ASB3: variants seen among roughly 807,000 people sequenced by gnomAD.
ASB3 encodes the protein ankyrin repeat and SOCS box containing 3.
A neutral mutation model predicts 54.5 loss-of-function variants in ASB3; 41 were observed. The ratio of observed to expected loss-of-function variants is 0.75; its 90% CI spans 0.59 to 0.98. The LOEUF is 0.98. ASB3 is among the 50% of genes least tolerant of loss of function. The pLI is 0.00. For synonymous variants in ASB3, 266 were observed against 221.2 expected, an observed-to-expected ratio of 1.20 and a Z score of -1.80; for missense variants, 733 against 620.0, an observed-to-expected ratio of 1.18 and a Z score of -1.94.
chr2:53,762,511 T>G (rs551103104), intron 2 of ASB3, among the ~76,000 whole-genome samples: 3 of 152,240 alleles, frequency 2.0e-5, no homozygotes, highest in Non-Finnish European at 4.4e-5. Context: ...AGTGCGTATT[T>G]TCTTATTTAA....
At chr2:53,745,265 A>G (rs1462631350) in intron 3 of ASB3, among the ~76,000 whole-genome samples, 2 of 152,132 alleles carry the variant, frequency 1.3e-5, no homozygotes, top group Non-Finnish European at 2.9e-5. Flanking sequence ...AAGGGTAGAG[A>G]AAAGAAATAA....
intron 9 of ASB3, among the ~76,000 whole-genome samples, chr2:53,676,329 T>C (rs1286139420): frequency 2.0e-5 from 3 of 152,240 alleles, no homozygotes; most frequent in African/African-American, 4.8e-5. Context: ...TTTCATGTTA[T>C]CTCCATTACC....
At chr2:53,720,010 C>T (rs1275032597) in intron 5 of ASB3, among the ~76,000 whole-genome samples, 1 of 152,142 alleles carries the variant, frequency 6.6e-6, no homozygotes, top group Non-Finnish European at 1.5e-5. Context: ...GAAAAAGTTA[C>T]GTACCTCCCT....
At chr2:53,712,821 T>G (rs955655795) in intron 7 of ASB3, among the ~76,000 whole-genome samples, 1 of 152,078 alleles carries the variant, frequency 6.6e-6, no homozygotes, top group African/African-American at 2.4e-5. Context: ...TAATAAGAAA[T>G]GTTCAGTTCT....
intron 3 of ASB3, among the ~76,000 whole-genome samples, chr2:53,744,405 TAAAA>T (rs748981278): frequency 6.7e-6 from 1 of 148,492 alleles, no homozygotes; most frequent in Admixed American, 6.7e-5. Flanking sequence ...ATAAAAAAAT[TAAAA>T]AAAATAAAAC....
chr2:53,776,752 G>A (rs563177783), intron 1 of ASB3, among the ~76,000 whole-genome samples: 3 of 152,130 alleles, frequency 2.0e-5, no homozygotes, highest in Non-Finnish European at 2.9e-5. Context: ...CCAGGAGTTC[G>A]AGGCTGCAGT....
intron 5 of ASB3, among the ~76,000 whole-genome samples, chr2:53,720,138 CAAAA>C (rs199786882): frequency 7.1e-6 from 1 of 141,080 alleles, no homozygotes. Context: ...ATCAGAAACT[CAAAA>C]AAAAAAAAAA....
intron 6 of ASB3, among the ~76,000 whole-genome samples, chr2:53,716,168 C>A (rs1670377011): frequency 6.6e-6 from 1 of 152,142 alleles, no homozygotes; most frequent in Non-Finnish European, 1.5e-5. Flanking sequence ...AGCACACACT[C>A]CAACAGGCAT....
At chr2:53,731,517 A>G (rs956201528) in intron 3 of ASB3, among the ~76,000 whole-genome samples, 2 of 152,240 alleles carry the variant, frequency 1.3e-5, no homozygotes, top group African/African-American at 4.8e-5. Flanking sequence ...AACATAACTA[A>G]GTTAATATTC....
In ASB3 at chr2:53,774,359, A is replaced by G; in HGVS notation, c.-13-8774T>C. 6.2e-7 allele frequency: 1 copy of G among 1,613,536 alleles called. No individual in the cohort carries two copies. ...GCACCTCTGGAAGACATTGCTGAACAAATTTTTAATGCAGCTGGTCCAAGT... is the reference window on the plus strand; with the variant it reads ...GCACCTCTGGAAGACATTGCTGAACGAATTTTTAATGCAGCTGGTCCAAGT... On this transcript the variant is annotated intron_variant, in intron 1 of 9. Transcript: ENST00000263634.
At position 53,728,856 on chromosome 2, in the gene ASB3, CA is replaced by C; in HGVS notation, c.469-10del. 1 of 1,578,496 alleles carries C rather than the reference CA, an allele frequency of 6.3e-7. No individual in the cohort carries two copies. Among genetic ancestry groups the C allele is most frequent in the Non-Finnish European group, 8.6e-7 (1 of 1,162,756 alleles). ...ATGATCTCAGCATTTTCCTAAAGCA[CA>C]GATTCACATTTTAAATAAGAAAAAA... On this transcript the variant is annotated splice_polypyrimidine_tract_variant and intron_variant, in intron 4 of 9. Coordinates refer to ENST00000263634, the MANE Select transcript of ASB3 (RefSeq NM_016115.5).
intron 2 of ASB3, among the ~76,000 whole-genome samples, chr2:53,764,667 A>C (rs376852413): frequency 2.0e-5 from 3 of 152,310 alleles, no homozygotes; most frequent in East Asian, 3.9e-4. Flanking sequence ...AAGAAAGCCC[A>C]GTTTATAGCA....
Position 53,700,684 on chromosome 2 carries a change from T to C in ASB3, c.981-156A>G, listed in dbSNP as rs547870831. 17 of 1,163,872 alleles carry C rather than the reference T, an allele frequency of 1.5e-5. No individual in the cohort carries two copies. The South Asian group carries it at 2.3e-4, about 16-fold the overall frequency. 72.1% of individuals were successfully genotyped at this position (1,163,872 alleles called of 1,614,324 possible). On this transcript the variant is annotated intron_variant, in intron 7 of 9. Coordinates refer to ENST00000263634, the MANE Select transcript of ASB3 (RefSeq NM_016115.5). ...CATCTAGTGGATTGAGATTAGAGAA[T>C]GTGGTGGGGCTTTTGCTTTTTACAC... is the stretch of plus-strand genomic sequence containing the variant.
intron 5 of ASB3, among the ~76,000 whole-genome samples, chr2:53,725,924 G>T (rs1390626883): frequency 6.6e-6 from 1 of 151,994 alleles, no homozygotes; most frequent in Non-Finnish European, 1.5e-5. Context: ...AGTCAAGAAA[G>T]AAACCTTAAC....
intron 7 of ASB3, among the ~76,000 whole-genome samples, chr2:53,710,484 C>T (rs1189702459): frequency 6.6e-6 from 1 of 152,182 alleles, no homozygotes; most frequent in African/African-American, 2.4e-5. Context: ...TCAGGACTGG[C>T]ATCTATTAAT....
chr2:53,713,239 T>C (rs1168764930), intron 7 of ASB3, among the ~76,000 whole-genome samples: 2 of 152,178 alleles, frequency 1.3e-5, no homozygotes, highest in African/African-American at 2.4e-5. Flanking sequence ...TGTTAAGAGA[T>C]AGTAAAGGCT....
chr2:53,755,955 C>T (rs1189243867), intron 2 of ASB3, among the ~76,000 whole-genome samples: 3 of 151,204 alleles, frequency 2.0e-5, no homozygotes, highest in African/African-American at 7.3e-5. Context: ...AGTTTTGAGA[C>T]CAACCTGGAC....
At chr2:53,767,883 G>C (rs2104113854) in intron 1 of ASB3, 2 of 1,607,316 alleles carry the variant, frequency 1.2e-6, no homozygotes, top group East Asian at 2.2e-5. Flanking sequence ...GGAGCCGCGA[G>C]AAGATGTGGG....
At chr2:53,707,473 T>A (rs1175355904) in intron 7 of ASB3, among the ~76,000 whole-genome samples, 3 of 151,630 alleles carry the variant, frequency 2.0e-5, no homozygotes, top group Non-Finnish European at 2.9e-5. Flanking sequence ...TGAAACCCCA[T>A]CTCTACTAAA....
Sources: gnomAD v4.1 joint callset for allele counts (sites outside exome capture counted in the v4.1 genomes callset) on GRCh38, gnomAD v4.1.1 for gene constraint, MANE v1.5 for transcripts, NCBI Gene and HGNC (gene_info 2026-07-23, HGNC 2026-07-21) for gene names.